Variants in ENTREP2 observed in about 807,000 individuals in gnomAD.
ENTREP2 encodes endosomal transmembrane epsin interactor 2.
At chr15:29,271,568 C>G in the ENTREP2 span, among the ~76,000 whole-genome samples, 1 of 152,336 alleles carries the variant, frequency 6.6e-6, no homozygotes, top group South Asian at 2.1e-4. Context: ...CGATGTTATT[C>G]ATAGATTCCA....
At chr15:29,162,862 T>C in the ENTREP2 span, among the ~76,000 whole-genome samples, 3 of 151,972 alleles carry the variant, frequency 2.0e-5, no homozygotes, top group Non-Finnish European at 2.9e-5. Flanking sequence ...CGCACAAAAA[T>C]AGAGCATTAA....
chr15:29,549,629 G>C, the ENTREP2 span, among the ~76,000 whole-genome samples: 1 of 152,070 alleles, frequency 6.6e-6, no homozygotes, highest in Admixed American at 6.6e-5. Flanking sequence ...CTGTTGTTGG[G>C]GCAAAACTTG....
the ENTREP2 span, among the ~76,000 whole-genome samples, chr15:29,531,637 C>A: frequency 6.6e-6 from 1 of 152,310 alleles, no homozygotes; most frequent in South Asian, 2.1e-4. Flanking sequence ...CGTACTTCAA[C>A]ATGTTGTTTG....
chr15:29,649,742 A>AAAAAAG, the ENTREP2 span, among the ~76,000 whole-genome samples: 1 of 150,898 alleles, frequency 6.6e-6, no homozygotes, highest in African/African-American at 2.5e-5. Context: ...AAAAAAAAAA[A>AAAAAAG]AAAGAAAGAA....
the ENTREP2 span, among the ~76,000 whole-genome samples, chr15:29,318,405 C>G: frequency 1.3e-5 from 2 of 152,090 alleles, no homozygotes; most frequent in Non-Finnish European, 2.9e-5. Context: ...ACTGCAAGCT[C>G]CGCCTCCTGG....
the ENTREP2 span, among the ~76,000 whole-genome samples, chr15:29,524,801 A>G: frequency 1.3e-5 from 2 of 152,260 alleles, no homozygotes; most frequent in African/African-American, 2.4e-5. Flanking sequence ...AGCTCAAGCC[A>G]TAACAAACAT....
At chr15:29,269,959 A>G in the ENTREP2 span, 1 of 447,288 alleles carries the variant, frequency 2.2e-6, no homozygotes, top group South Asian at 5.2e-5. Flanking sequence ...AGTATAGTGA[A>G]GTGTTGTTAC....
At chr15:29,561,174 G>A in the ENTREP2 span, among the ~76,000 whole-genome samples, 5 of 149,884 alleles carry the variant, frequency 3.3e-5, no homozygotes, top group South Asian at 2.1e-4. Flanking sequence ...CAGCCATTAC[G>A]GAAAACAGCA....
the ENTREP2 span, among the ~76,000 whole-genome samples, chr15:29,657,068 G>A: frequency 1.6e-3 from 237 of 152,192 alleles, 1 homozygote; most frequent in African/African-American, 5.0e-3. Context: ...TTCTTTTTGA[G>A]ACCGAGTCTC....
chr15:29,217,731 C>CT, the ENTREP2 span, among the ~76,000 whole-genome samples: 10,288 of 152,150 alleles, frequency 0.068, 1,202 homozygotes, highest in African/African-American at 0.24. Flanking sequence ...TGTTTAATAA[C>CT]TAACCTCCTG....
chr15:29,578,887 G>A, the ENTREP2 span, among the ~76,000 whole-genome samples: 3 of 152,118 alleles, frequency 2.0e-5, no homozygotes, highest in Admixed American at 6.5e-5. Context: ...AGAAGTAAAT[G>A]ACTTAATTAT....
At chr15:29,624,175 T>C in the ENTREP2 span, among the ~76,000 whole-genome samples, 39 of 152,370 alleles carry the variant, frequency 2.6e-4, no homozygotes, top group African/African-American at 7.2e-4. Flanking sequence ...TCTTAGTCTA[T>C]ATCCTATGAT....
At chr15:29,500,570 T>G in the ENTREP2 span, among the ~76,000 whole-genome samples, 1 of 152,020 alleles carries the variant, frequency 6.6e-6, no homozygotes, top group African/African-American at 2.4e-5. Flanking sequence ...ATACTAAAGC[T>G]TAATCTTTCA....
At chr15:29,554,119 C>T in the ENTREP2 span, among the ~76,000 whole-genome samples, 1 of 151,916 alleles carries the variant, frequency 6.6e-6, no homozygotes, top group Admixed American at 6.6e-5. Flanking sequence ...TTGAGACCAG[C>T]CTGATCAACA....
chr15:29,127,213 C>T, the ENTREP2 span, among the ~76,000 whole-genome samples: 3 of 152,126 alleles, frequency 2.0e-5, no homozygotes, highest in African/African-American at 7.2e-5. Context: ...GGGGCTGGAT[C>T]GGAGTCTGTT....
chr15:29,355,516 A>C, the ENTREP2 span, among the ~76,000 whole-genome samples: 6 of 152,128 alleles, frequency 3.9e-5, no homozygotes, highest in South Asian at 2.1e-4. Context: ...AAAAAAAAAA[A>C]ACCTCACACT....
At chr15:29,330,173 T>C in the ENTREP2 span, among the ~76,000 whole-genome samples, 1 of 151,956 alleles carries the variant, frequency 6.6e-6, no homozygotes, top group African/African-American at 2.4e-5. Context: ...GCGCGGCAGC[T>C]CATGCCTATA....
the ENTREP2 span, among the ~76,000 whole-genome samples, chr15:29,637,766 C>T: frequency 6.6e-6 from 1 of 152,156 alleles, no homozygotes; most frequent in East Asian, 1.9e-4. Flanking sequence ...TTGCCAGTTG[C>T]AGGAGGAGCT....
the ENTREP2 span, among the ~76,000 whole-genome samples, chr15:29,371,422 T>C: frequency 6.7e-6 from 1 of 150,162 alleles, no homozygotes; most frequent in African/African-American, 2.5e-5. Flanking sequence ...CTTTCTACCT[T>C]CATTAACATA....
Sources: gnomAD v4.1 joint callset for allele counts (sites outside exome capture counted in the v4.1 genomes callset) on GRCh38, gnomAD v4.1.1 for gene constraint, MANE v1.5 for transcripts, NCBI Gene and HGNC (gene_info 2026-07-23, HGNC 2026-07-21) for gene names.